The following PTK2B variants were observed in gnomAD, a reference collection of about 807,000 sequenced individuals.
The protein encoded by PTK2B is protein-tyrosine kinase 2-beta.
A neutral mutation model predicts 142.9 loss-of-function variants in PTK2B; 71 were observed. That is an observed-to-expected ratio of 0.50 (90% CI 0.41 to 0.61). The LOEUF is 0.61. Ranked by LOEUF, PTK2B falls within the 20% of genes least tolerant of loss-of-function variation. The pLI, the probability that PTK2B is intolerant of heterozygous loss-of-function variation, is 0.00. For synonymous variants in PTK2B, 519 were observed against 503.4 expected, an observed-to-expected ratio of 1.03 and a Z score of -0.42; for missense variants, 1,105 against 1,320.4, an observed-to-expected ratio of 0.84 and a Z score of 2.53.
chr8:27,361,426 G>A (rs973966523), intron 1 of PTK2B, among the ~76,000 whole-genome samples: 7 of 152,086 alleles, frequency 4.6e-5, no homozygotes, highest in African/African-American at 1.7e-4. Context: ...GTCTCACTTT[G>A]TTGCTCCAGC....
intron 2 of PTK2B, among the ~76,000 whole-genome samples, chr8:27,398,822 C>A (rs1035261900): frequency 2.0e-5 from 3 of 152,250 alleles, no homozygotes; most frequent in African/African-American, 7.2e-5. Context: ...GCCCTGGCCA[C>A]ATCATCCTGG....
intron 9 of PTK2B, 79 bp downstream of exon 9, chr8:27,431,551 C>G (rs1810428787): frequency 1.3e-6 from 2 of 1,552,686 alleles, no homozygotes; most frequent in Non-Finnish European, 1.8e-6. Context: ...CCCTGTCTGC[C>G]CCTTCAGTTC....
chr8:27,397,658 C>A lies in PTK2B; in HGVS notation c.74C>A (p.Pro25His), dbSNP rs1294168210. Residue 25 changes from proline to histidine, a missense_variant, in exon 2 of 31, where the codon CCC (proline) becomes CAC (histidine). Coordinates refer to ENST00000346049, the MANE Select transcript of PTK2B (RefSeq NM_173176.3). ...CGCCGGCCTGAAGGCCCTGCAGAGC[C>A]CATGGTGGTGGTACCAGTAGATGTG... ...TLRRPEGPAE[P>H]MVVVPVDVEK... 2 of 1,614,238 alleles carry A rather than the reference C, an allele frequency of 1.2e-6. No individual in the cohort carries two copies. The highest frequency in any genetic ancestry group is 8.5e-7 in the Non-Finnish European group (1 of 1,180,046).
At chr8:27,420,802 A>G in intron 4 of PTK2B, 58 bp downstream of exon 4, 2 of 1,457,114 alleles carry the variant, frequency 1.4e-6, no homozygotes. Context: ...AATGCCAAGC[A>G]TGAACCGTTC....
upstream of PTK2B, chr8:27,311,009 T>C (rs906634895): frequency 3.7e-6 from 6 of 1,611,134 alleles, no homozygotes; most frequent in Middle Eastern, 1.6e-4. Context: ...CACCAGGTTG[T>C]TGAGGGTGTG....
intron 1 of PTK2B, among the ~76,000 whole-genome samples, chr8:27,342,561 C>T (rs1007038097): frequency 3.9e-5 from 6 of 152,126 alleles, no homozygotes; most frequent in Non-Finnish European, 7.4e-5. Flanking sequence ...TCTTCGTTCC[C>T]GGTGTTCTCG....
intron 22 of PTK2B, among the ~76,000 whole-genome samples, chr8:27,443,683 A>G (rs1359859331): frequency 6.6e-6 from 1 of 151,988 alleles, no homozygotes. Flanking sequence ...CCTTAATGCT[A>G]TCACATTGGG....
intron 17 of PTK2B, 63 bp from the exon 18 acceptor site, chr8:27,437,702 T>C: frequency 6.7e-7 from 1 of 1,492,594 alleles, no homozygotes. Flanking sequence ...GCCAGCACCC[T>C]GGTCCCCTGG....
At chr8:27,352,111 C>G (rs1439547510) in intron 1 of PTK2B, among the ~76,000 whole-genome samples, 8 of 152,196 alleles carry the variant, frequency 5.3e-5, no homozygotes, top group African/African-American at 1.9e-4. Context: ...GCTGCCTGTC[C>G]TCTCCCCAGC....
At chr8:27,373,561 A>G (rs983103573) in intron 1 of PTK2B, among the ~76,000 whole-genome samples, 5 of 152,118 alleles carry the variant, frequency 3.3e-5, no homozygotes, top group African/African-American at 1.2e-4. Flanking sequence ...ACACACCTAT[A>G]GTTCTAGCTG....
intron 27 of PTK2B, 75 bp downstream of exon 27, chr8:27,451,584 CA>C: frequency 6.2e-7 from 1 of 1,610,746 alleles, no homozygotes; most frequent in Non-Finnish European, 8.5e-7. Context: ...GCCCACCGCC[CA>C]GGGCAGGGAG....
chr8:27,438,662 A>C (rs1435681191), intron 18 of PTK2B, among the ~76,000 whole-genome samples: 1 of 152,214 alleles, frequency 6.6e-6, no homozygotes, highest in Non-Finnish European at 1.5e-5. Context: ...CCTCCCTGGC[A>C]TGGGGGACAG....
chr8:27,327,037 G>T (rs1433967831), intron 1 of PTK2B, among the ~76,000 whole-genome samples: 1 of 152,146 alleles, frequency 6.6e-6, no homozygotes, highest in African/African-American at 2.4e-5. Flanking sequence ...CGTCCTGGCA[G>T]AAGTGACTCC....
chr8:27,456,371 G>T (rs10100812), intron 30 of PTK2B, among the ~76,000 whole-genome samples: 129,309 of 152,152 alleles, frequency 0.85, 55,316 homozygotes, highest in Middle Eastern at 0.94. Flanking sequence ...TGATTATAAC[G>T]GCTATGGTTG....
intron 1 of PTK2B, among the ~76,000 whole-genome samples, chr8:27,334,472 G>A (rs959015614): frequency 1.1e-4 from 16 of 152,186 alleles, no homozygotes; most frequent in South Asian, 4.1e-4. Context: ...AGGCTCAGTC[G>A]GTGACCCACC....
intron 1 of PTK2B, among the ~76,000 whole-genome samples, chr8:27,373,698 T>A (rs115714051): frequency 0.036 from 5,530 of 151,632 alleles, 152 homozygotes; most frequent in African/African-American, 0.068. Context: ...AAATTTTTTT[T>A]AAAAAAAATT....
At chr8:27,433,631 C>T in intron 11 of PTK2B, 79 bp downstream of exon 11, 1 of 1,197,384 alleles carries the variant, frequency 8.4e-7, no homozygotes. Flanking sequence ...GTGGCAGAAG[C>T]TAAGCCACTG....
chr8:27,328,561 G>C lies in PTK2B; in HGVS notation c.-38+2880G>C, dbSNP rs571029096. On this transcript the variant is annotated intron_variant, in intron 1 of 30. Coordinates refer to ENST00000346049, the MANE Select transcript of PTK2B (RefSeq NM_173176.3). ...CCTGTGATAAACATTTTGTCCCCAGGCCCTTGGATTGTTTGCCCAGGTGGT... is the reference window on the plus strand; with the variant it reads ...CCTGTGATAAACATTTTGTCCCCAGCCCCTTGGATTGTTTGCCCAGGTGGT... 9.9e-4 allele frequency among the ~76,000 whole-genome samples: 150 copies of C among 152,252 alleles called. No individual in the cohort carries two copies. In the Middle Eastern group the frequency reaches 0.014, roughly 14 times the overall value.
At chr8:27,357,008 C>T (rs1586151913) in intron 1 of PTK2B, among the ~76,000 whole-genome samples, 1 of 152,092 alleles carries the variant, frequency 6.6e-6, no homozygotes, top group Non-Finnish European at 1.5e-5. Flanking sequence ...AGTGTGTTCA[C>T]AGGATGAAAT....
Sources: allele counts gnomAD v4.1 joint callset (sites outside exome capture counted in the v4.1 genomes callset), GRCh38; gene constraint gnomAD v4.1.1; transcripts MANE v1.5; gene names NCBI Gene and HGNC (gene_info 2026-07-23, HGNC 2026-07-21).